AFTPH: variants seen among roughly 807,000 people sequenced by gnomAD.
AFTPH encodes the protein aftiphilin.
Under a neutral mutation model 72.5 loss-of-function variants are expected in AFTPH, and 7 were observed. The observed-to-expected ratio is 0.10, with a 90% confidence interval of 0.05 to 0.18. The LOEUF is 0.18. AFTPH is among the 10% of genes least tolerant of loss of function. The pLI is 1.00. For missense variants in AFTPH, 979 were observed against 1,060.5 expected (o/e 0.92, Z 1.07); for synonymous variants, 337 against 370.1 (o/e 0.91, Z 1.03).
intron 1 of AFTPH, among the ~76,000 whole-genome samples, chr2:64,549,663 A>G (rs72888889): frequency 9.1e-4 from 139 of 152,236 alleles, no homozygotes; most frequent in Middle Eastern, 3.4e-3. Flanking sequence ...GCACAGAGGA[A>G]TAGAATAACT....
In AFTPH at chr2:64,531,493, C is replaced by G. The variant is rs1028148382; in HGVS notation, c.-33+6881C>G. On this transcript the variant is annotated intron_variant, in intron 1 of 8. Transcript: ENST00000238856. ...TTGAATGATTTAAACCTGAGATATGCCTTTATTTGATATAAGATTAATCTT... is the reference window on the plus strand; with the variant it reads ...TTGAATGATTTAAACCTGAGATATGGCTTTATTTGATATAAGATTAATCTT... 2.0e-5 allele frequency among the ~76,000 whole-genome samples: 3 copies of G among 152,082 alleles called. No individual in the cohort carries two copies. In the East Asian group the frequency reaches 5.8e-4, roughly 29 times the overall value.
intron 2 of AFTPH, among the ~76,000 whole-genome samples, chr2:64,564,022 C>G (rs747915391): frequency 6.6e-6 from 1 of 152,180 alleles, no homozygotes; most frequent in Non-Finnish European, 1.5e-5. Flanking sequence ...AAAATTTAAA[C>G]TCTACAAGGA....
chr2:64,543,267 T>A (rs1047093477), intron 1 of AFTPH, among the ~76,000 whole-genome samples: 7 of 152,248 alleles, frequency 4.6e-5, no homozygotes, highest in African/African-American at 1.4e-4. Flanking sequence ...TTCCATATTC[T>A]GGATATGAGT....
At chr2:64,547,638 ATTATT>A (rs1421610275) in intron 1 of AFTPH, among the ~76,000 whole-genome samples, 5 of 152,026 alleles carry the variant, frequency 3.3e-5, no homozygotes, top group Non-Finnish European at 7.4e-5. Flanking sequence ...GACTCAGTTT[ATTATT>A]TTATTTATTG....
intron 1 of AFTPH, among the ~76,000 whole-genome samples, chr2:64,538,992 A>G (rs1485676956): frequency 6.7e-6 from 1 of 150,012 alleles, no homozygotes; most frequent in African/African-American, 2.5e-5. Context: ...GTATTTTTTC[A>G]TTTTGAAAGT....
At chr2:64,555,702 G>A (rs995796070) in intron 2 of AFTPH, among the ~76,000 whole-genome samples, 47 of 152,154 alleles carry the variant, frequency 3.1e-4, no homozygotes, top group African/African-American at 1.0e-3. Flanking sequence ...GAAACTGCTG[G>A]AGGAGGCCAG....
intron 1 of AFTPH, among the ~76,000 whole-genome samples, chr2:64,529,596 C>T (rs112383083): frequency 6.6e-6 from 1 of 150,908 alleles, no homozygotes; most frequent in Non-Finnish European, 1.5e-5. Context: ...CATACAGGAG[C>T]ATCATAGAAA....
At position 64,539,163 on chromosome 2, in the gene AFTPH, A is replaced by G. The variant is rs184417233; in HGVS notation, c.-32-12280A>G. The stretch of plus-strand genomic sequence containing the variant: ...CTGCTGTTCATGTCAGCTGATTGCA[A>G]AATCTTCTGTGGGAAAATTTTCATG... On this transcript the variant is annotated intron_variant, in intron 1 of 8. Transcript: ENST00000238856. 1.1e-3 allele frequency among the ~76,000 whole-genome samples: 171 copies of G among 152,278 alleles called. 1 individual carries two copies. The highest frequency in any genetic ancestry group is 3.7e-3 in the African/African-American group (152 of 41,560).
intron 1 of AFTPH, among the ~76,000 whole-genome samples, chr2:64,535,265 A>C (rs1196658662): frequency 1.3e-5 from 2 of 152,246 alleles, no homozygotes; most frequent in Non-Finnish European, 2.9e-5. Flanking sequence ...AAAGGTTTTC[A>C]ACCTTAACTA....
intron 1 of AFTPH, among the ~76,000 whole-genome samples, chr2:64,527,580 C>CA (rs34338314): frequency 0.55 from 73,837 of 135,366 alleles, 21,216 homozygotes; most frequent in African/African-American, 0.82. Context: ...AACATCATCT[C>CA]AAAAAAAAAA....
chr2:64,525,472 C>CG (rs1005130181), intron 1 of AFTPH: 70 of 154,110 alleles, frequency 4.5e-4, no homozygotes, highest in African/African-American at 1.6e-3. Flanking sequence ...TTTTACTGGG[C>CG]GGGGGGATGA....
At chr2:64,541,484 C>T (rs929800652) in intron 1 of AFTPH, among the ~76,000 whole-genome samples, 1 of 152,086 alleles carries the variant, frequency 6.6e-6, no homozygotes, top group African/African-American at 2.4e-5. Flanking sequence ...AAATTTAGAG[C>T]TGTGAAAACA....
chr2:64,536,347 C>T (rs764352622), intron 1 of AFTPH, among the ~76,000 whole-genome samples: 8 of 151,924 alleles, frequency 5.3e-5, no homozygotes, highest in Non-Finnish European at 1.2e-4. Flanking sequence ...GGGTAGATCA[C>T]CTGAGGTCAA....
At chr2:64,562,641 A>C (rs1303673874) in intron 2 of AFTPH, among the ~76,000 whole-genome samples, 2 of 152,172 alleles carry the variant, frequency 1.3e-5, no homozygotes, top group Admixed American at 1.3e-4. Flanking sequence ...TACCTCCCTC[A>C]TATGGTTCTT....
At chr2:64,585,829 G>C (rs1262755404) in intron 8 of AFTPH, among the ~76,000 whole-genome samples, 1 of 132,840 alleles carries the variant, frequency 7.5e-6, no homozygotes, top group Non-Finnish European at 1.5e-5. Context: ...TTCTGATTAA[G>C]TATTGTGATC....
intron 1 of AFTPH, 73 bp from the exon 2 acceptor site, chr2:64,551,370 T>A: frequency 8.2e-7 from 1 of 1,221,646 alleles, no homozygotes; most frequent in Non-Finnish European, 1.1e-6. Context: ...TTAAAGTAGC[T>A]TTGAGAGAAT....
At chr2:64,559,189 A>G (rs147410226) in intron 2 of AFTPH, among the ~76,000 whole-genome samples, 277 of 152,258 alleles carry the variant, frequency 1.8e-3, no homozygotes, top group Middle Eastern at 3.4e-3. Flanking sequence ...CAATACACTT[A>G]ATCTCTTTAT....
At chr2:64,575,965 C>A (rs1387212792) in intron 6 of AFTPH, among the ~76,000 whole-genome samples, 1 of 151,740 alleles carries the variant, frequency 6.6e-6, no homozygotes, top group South Asian at 2.1e-4. Flanking sequence ...TCTCCAACTC[C>A]TGACCTCAAG....
At chr2:64,586,773 TATGTGGC>T (rs1673543131) in intron 8 of AFTPH, among the ~76,000 whole-genome samples, 1 of 152,228 alleles carries the variant, frequency 6.6e-6, no homozygotes, top group African/African-American at 2.4e-5. Flanking sequence ...TAAATGTGGC[TATGTGGC>T]TTTTTTTAAA....
Sources: allele counts gnomAD v4.1 joint callset (sites outside exome capture counted in the v4.1 genomes callset), GRCh38; gene constraint gnomAD v4.1.1; transcripts MANE v1.5; gene names NCBI Gene and HGNC (gene_info 2026-07-23, HGNC 2026-07-21).